SYNE2: variants seen among roughly 807,000 people sequenced by gnomAD.
The protein encoded by SYNE2 is spectrin repeat containing nuclear envelope protein 2, also known as nesprin-2.
In SYNE2, 431 loss-of-function variants were observed where a neutral mutation model predicts 856.3. That is an observed-to-expected ratio of 0.50 (90% CI 0.47 to 0.55). SYNE2 has a LOEUF of 0.55. Among genes scored for constraint, SYNE2 ranks in the 20% least tolerant of loss-of-function variants. SYNE2 has a pLI of 0.00. For missense variants in SYNE2, 8,129 were observed against 8,023.2 expected, an observed-to-expected ratio of 1.01 and a Z score of -0.50; for synonymous variants, 2,923 against 2,872.3, an observed-to-expected ratio of 1.02 and a Z score of -0.56.
chr14:63,956,105 C>G (rs1259472313), intron 8 of SYNE2, among the ~76,000 whole-genome samples: 2 of 152,170 alleles, frequency 1.3e-5, no homozygotes, highest in Admixed American at 1.3e-4. Context: ...TTCTTCATCT[C>G]TTTTTTAGCA....
chr14:63,802,750 C>A (rs1888194482), intron 1 of SYNE2, among the ~76,000 whole-genome samples: 1 of 152,022 alleles, frequency 6.6e-6, no homozygotes, highest in South Asian at 2.1e-4. Flanking sequence ...GAGTTTCTTC[C>A]TTATGGTGGG....
intron 62 of SYNE2, 71 bp from the exon 63 acceptor site, chr14:64,098,676 C>A: frequency 6.6e-7 from 1 of 1,504,120 alleles, no homozygotes; most frequent in Non-Finnish European, 9.2e-7. Context: ...CATAAAAATG[C>A]AGCTGGACTG....
At position 64,074,114 on chromosome 14, in the gene SYNE2, C is replaced by T. The variant is rs549458287; in HGVS notation, c.10844C>T (p.Pro3615Leu). Residue 3615 changes from proline (P) to leucine (L), a missense_variant, in exon 53 of 116, where the codon CCA becomes CTA. Coordinates refer to ENST00000555002, the MANE Select transcript of SYNE2 (RefSeq NM_182914.3). ...CAAAATATGGCATTCCAGGATCACC[C>T]AGAAAAGTCAGAACAATTTGAGGTA... ...SFQNMAFQDH[P>L]EKSEQFEELQ... 49 of 1,613,986 alleles carry T rather than the reference C, an allele frequency of 3.0e-5. No individual in the cohort carries two copies. Among genetic ancestry groups the T allele is most frequent in the Middle Eastern group, 1.6e-4 (1 of 6,084 alleles).
intron 50 of SYNE2, among the ~76,000 whole-genome samples, 194 bp from the exon 51 acceptor site, chr14:64,065,238 A>T (rs1292379580): frequency 1.3e-5 from 2 of 152,180 alleles, no homozygotes; most frequent in African/African-American, 4.8e-5. Context: ...TGTAATCCCA[A>T]ATTCATGCAG....
intron 1 of SYNE2, among the ~76,000 whole-genome samples, chr14:63,826,511 G>A (rs994340594): frequency 2.0e-5 from 3 of 151,944 alleles, no homozygotes; most frequent in Non-Finnish European, 2.9e-5. Context: ...CATGTTGGCC[G>A]GGATGGTCTT....
At chr14:63,962,119 C>T (rs1004909422) in intron 9 of SYNE2, among the ~76,000 whole-genome samples, 2 of 151,626 alleles carry the variant, frequency 1.3e-5, no homozygotes, top group Non-Finnish European at 2.9e-5. Flanking sequence ...TGCAGTGGCG[C>T]GATCTTGGCT....
At chr14:64,187,192 G>A (rs925066272) in intron 97 of SYNE2, among the ~76,000 whole-genome samples, 1 of 152,116 alleles carries the variant, frequency 6.6e-6, no homozygotes, top group Non-Finnish European at 1.5e-5. Context: ...GAATTAAGGG[G>A]TTCAAATAGT....
chr14:63,948,633 C>A (rs2096074490), intron 6 of SYNE2, among the ~76,000 whole-genome samples: 1 of 142,610 alleles, frequency 7.0e-6, no homozygotes, highest in Non-Finnish European at 1.5e-5. Flanking sequence ...TGCCCTCCAG[C>A]GTGGGCGACG....
chr14:64,027,383 G>A, intron 42 of SYNE2, 101 bp from the exon 43 acceptor site: 1 of 729,144 alleles, frequency 1.4e-6, no homozygotes. Flanking sequence ...GTATATTAGT[G>A]TTATTTTAAT....
Position 64,031,334 on chromosome 14 carries a change from G to C in SYNE2, c.7198G>C (p.Glu2400Gln). 6.2e-7 allele frequency: 1 copy of C among 1,614,092 alleles called. No homozygotes were observed. Among genetic ancestry groups the C allele is most frequent in the Non-Finnish European group, 8.5e-7 (1 of 1,180,014 alleles). ...TQESAAVEKLEEDWEINKDSA... is the reference protein window; with the variant it reads ...TQESAAVEKLQEDWEINKDSA... ...GGAATCAGCTGCAGTGGAAAAGTTG[G>C]AGGAAGACTGGGAAATAAACAAGGT... Residue 2400 changes from glutamate (E) to glutamine (Q), a missense_variant, in exon 45 of 116, where the codon GAG (glutamate) becomes CAG (glutamine). Physicochemically the swap from Glu to Gln is conservative, Grantham distance 29. Coordinates refer to ENST00000555002, the MANE Select transcript of SYNE2 (RefSeq NM_182914.3).
chr14:64,064,107 G>A (rs1385978745), intron 50 of SYNE2, among the ~76,000 whole-genome samples: 1 of 152,070 alleles, frequency 6.6e-6, no homozygotes, highest in Non-Finnish European at 1.5e-5. Flanking sequence ...ATGCCTGGGT[G>A]ATGAAATGAA....
chr14:63,944,278 TTATA>T (rs71123818), intron 6 of SYNE2, among the ~76,000 whole-genome samples: 33,133 of 143,302 alleles, frequency 0.23, 3,884 homozygotes, highest in East Asian at 0.3. Flanking sequence ...TTCTGAATTT[TTATA>T]TATATATATA....
intron 89 of SYNE2, among the ~76,000 whole-genome samples, chr14:64,164,877 TG>T (rs1567517632): frequency 6.9e-6 from 1 of 144,740 alleles, no homozygotes; most frequent in African/African-American, 2.6e-5. Flanking sequence ...TGTTTTTTTT[TG>T]TTTGTTTGTT....
chr14:64,221,083 TA>T (rs1320060762), intron 111 of SYNE2, among the ~76,000 whole-genome samples: 3 of 152,158 alleles, frequency 2.0e-5, no homozygotes, highest in Non-Finnish European at 2.9e-5. Flanking sequence ...GAAAGAACCT[TA>T]AAAAGGTTCT....
At chr14:63,833,189 ACAAAGCAAGGCCCTGTC>A (rs1447567197) in intron 1 of SYNE2, among the ~76,000 whole-genome samples, 1 of 152,066 alleles carries the variant, frequency 6.6e-6, no homozygotes, top group Admixed American at 6.6e-5. Context: ...AGCCTGGGTG[ACAAAGCAAGGCCCTGTC>A]CAAAAAAAAA....
chr14:64,032,406 A>G (rs2097046650), intron 45 of SYNE2, among the ~76,000 whole-genome samples: 1 of 152,062 alleles, frequency 6.6e-6, no homozygotes, highest in Non-Finnish European at 1.5e-5. Context: ...AAAAAATAAT[A>G]ATATTAATAA....
rs768449330 is a variant in SYNE2 at position 64,007,014 on chromosome 14, A to G, written c.4398-29A>G. The G allele has an allele frequency of 1.3e-5, 20 of 1,574,160 alleles. No individual in the cohort carries two copies. In the East Asian group the frequency reaches 1.8e-4, roughly 14 times the overall value. ...TTGAATCAATGGTTAACAGTTGGCT[A>G]TCAAACTTTTTTCTCATTCATAATC... On this transcript the variant is annotated intron_variant, in intron 30 of 115. Coordinates refer to ENST00000555002, the MANE Select transcript of SYNE2 (RefSeq NM_182914.3).
At chr14:63,943,674 T>C (rs1383174893) in intron 6 of SYNE2, among the ~76,000 whole-genome samples, 1 of 145,658 alleles carries the variant, frequency 6.9e-6, no homozygotes, top group East Asian at 2.0e-4. Context: ...TACTTATTAT[T>C]ATTATTTTTT....
chr14:63,765,626 G>A (rs1485328355), intron 1 of SYNE2, among the ~76,000 whole-genome samples: 3 of 152,054 alleles, frequency 2.0e-5, no homozygotes, highest in African/African-American at 7.2e-5. Flanking sequence ...CAGAGTGCTG[G>A]GATTACAGGT....
Sources: allele counts gnomAD v4.1 joint callset (sites outside exome capture counted in the v4.1 genomes callset), GRCh38; gene constraint gnomAD v4.1.1; transcripts MANE v1.5; gene names NCBI Gene and HGNC (gene_info 2026-07-23, HGNC 2026-07-21).